Variants in NRDC observed in about 807,000 individuals in gnomAD.
The protein encoded by NRDC is nardilysin.
NRDC carries 54 observed loss-of-function variants against 147.1 expected under a neutral mutation model. The observed-to-expected ratio is 0.37, with a 90% CI of 0.29 to 0.46. The LOEUF (loss-of-function observed/expected upper bound fraction) is 0.46, where lower values mean the gene tolerates loss of function less well. NRDC is among the 20% of genes least tolerant of loss of function. The pLI is 1.00. For missense variants in NRDC, 1,082 were observed against 1,370.6 expected (o/e 0.79, Z 3.33); for synonymous variants, 440 against 482.1 (o/e 0.91, Z 1.14).
At chr1:51,856,528 A>AT (rs1367259582) in intron 1 of NRDC, among the ~76,000 whole-genome samples, 2 of 152,078 alleles carry the variant, frequency 1.3e-5, no homozygotes, top group Admixed American at 6.5e-5. Flanking sequence ...AAACACTTAC[A>AT]TTTACTGGTT....
chr1:51,820,517 CT>C (rs959408335), intron 8 of NRDC, among the ~76,000 whole-genome samples: 3 of 152,056 alleles, frequency 2.0e-5, no homozygotes, highest in Non-Finnish European at 4.4e-5. Flanking sequence ...AAACACACCT[CT>C]GATTTTATTA....
At chr1:51,839,698 C>T (rs941184411) in intron 2 of NRDC, among the ~76,000 whole-genome samples, 32 of 152,110 alleles carry the variant, frequency 2.1e-4, no homozygotes, top group African/African-American at 7.2e-4. Flanking sequence ...CAGACCTTTG[C>T]GTTCCCATAT....
At position 51,836,804 on chromosome 1, in the gene NRDC, T is replaced by A. The variant is rs192132495; in HGVS notation, c.631-592A>T. ...TATAACTAAATTTTAAAGAGGCTTT[T>A]TAGTTCTTCACTTCTAATTGAAGAT... On this transcript the variant is annotated intron_variant, in intron 2 of 30. Coordinates refer to ENST00000352171, the MANE Select transcript of NRDC (RefSeq NM_001101662.2). Among the ~76,000 whole-genome samples the A allele has an allele frequency of 1.6e-4, 24 of 152,316 alleles. No individual in the cohort carries two copies. In the East Asian group the frequency reaches 4.6e-3, roughly 29 times the overall value.
chr1:51,824,043 G>A, intron 6 of NRDC, among the ~76,000 whole-genome samples: 1 of 150,876 alleles, frequency 6.6e-6, no homozygotes. Flanking sequence ...AACTCCCTAA[G>A]CTTCCTTGCT....
At position 51,855,765 on chromosome 1, in the gene NRDC, C is replaced by T. The variant is rs377363159; in HGVS notation, c.342-15251G>A. 3.3e-5 allele frequency among the ~76,000 whole-genome samples: 5 copies of T among 152,124 alleles called. No individual in the cohort carries two copies. The East Asian group carries it at 9.6e-4, about 29-fold the overall frequency. On this transcript the variant is annotated intron_variant, in intron 1 of 30. Coordinates refer to ENST00000352171, the MANE Select transcript of NRDC (RefSeq NM_001101662.2). The stretch of plus-strand genomic sequence containing the variant: ...ACGCACCCCTGTAATCCCAGCTACT[C>T]AGGTGTCTGAGGCTGGAGGATCACT...
chr1:51,798,342 G>A lies in NRDC; in HGVS notation c.2511C>T (p.Asp837=), dbSNP rs781711587. 27 of 1,613,778 alleles carry A rather than the reference G, an allele frequency of 1.7e-5. No homozygotes were observed. The highest frequency in any genetic ancestry group is 6.7e-5 in the African/African-American group (5 of 74,896). The change falls in exon 22 of 31, where the codon GAC becomes GAT. Residue 837 remains aspartate, a synonymous_variant. Transcript: ENST00000352171. ...SMIDKYQALM[D]GLSLESLLSF... Reference sequence around the variant, plus strand: ...TCAGCAGAGACTCAAGGGAAAGGCCGTCCATCAAAGCCTGGTACTTGTCAA... The same window carrying A: ...TCAGCAGAGACTCAAGGGAAAGGCCATCCATCAAAGCCTGGTACTTGTCAA...
At chr1:51,792,502 A>G (rs1678703436) in intron 24 of NRDC, 78 bp from the exon 25 acceptor site, 1 of 1,332,904 alleles carries the variant, frequency 7.5e-7, no homozygotes, top group Non-Finnish European at 1.1e-6. Flanking sequence ...TATTCTAGGC[A>G]ACCACTTAGG....
chr1:51,838,927 C>T (rs1340949355), intron 2 of NRDC, among the ~76,000 whole-genome samples: 5 of 152,054 alleles, frequency 3.3e-5, no homozygotes, highest in Non-Finnish European at 7.4e-5. Flanking sequence ...CAAGTTAAAA[C>T]TATTTAATAC....
chr1:51,809,509 G>T, intron 16 of NRDC, 108 bp from the exon 17 acceptor site: 1 of 806,002 alleles, frequency 1.2e-6, no homozygotes, highest in Non-Finnish European at 2.2e-6. Context: ...CCTTTCTCAG[G>T]AATACTGTGA....
intron 1 of NRDC, among the ~76,000 whole-genome samples, chr1:51,858,556 C>T (rs2842576): frequency 0.93 from 141,081 of 152,106 alleles, 65,477 homozygotes; most frequent in East Asian, 1. Flanking sequence ...TTGGCATAAA[C>T]ACTATCCTGC....
intron 1 of NRDC, among the ~76,000 whole-genome samples, chr1:51,872,213 A>G (rs1683119127): frequency 6.6e-6 from 1 of 152,140 alleles, no homozygotes. Context: ...TTTTTTTGAG[A>G]CAGAGGCAGG....
At chr1:51,797,011 C>T (rs746415763) in intron 22 of NRDC, among the ~76,000 whole-genome samples, 4 of 151,468 alleles carry the variant, frequency 2.6e-5, no homozygotes, top group Non-Finnish European at 5.9e-5. Flanking sequence ...CCATCCTGGC[C>T]AACACGGTGA....
chr1:51,826,758 T>C (rs1257714994), intron 5 of NRDC, among the ~76,000 whole-genome samples: 2 of 152,206 alleles, frequency 1.3e-5, no homozygotes, highest in East Asian at 1.9e-4. Context: ...ATACTGTGTG[T>C]GTATATACAT....
intron 1 of NRDC, among the ~76,000 whole-genome samples, chr1:51,868,210 C>T (rs762666975): frequency 6.6e-6 from 1 of 151,756 alleles, no homozygotes; most frequent in Non-Finnish European, 1.5e-5. Flanking sequence ...GTAATAACTA[C>T]AAAAATATGA....
chr1:51,848,378 G>A (rs1364147544), intron 1 of NRDC, among the ~76,000 whole-genome samples: 3 of 152,170 alleles, frequency 2.0e-5, no homozygotes, highest in African/African-American at 4.8e-5. Context: ...CTACTCAGGA[G>A]GCTGGGGCAG....
At chr1:51,811,424 C>G (rs1679708994) in intron 15 of NRDC, among the ~76,000 whole-genome samples, 1 of 152,138 alleles carries the variant, frequency 6.6e-6, no homozygotes, top group Non-Finnish European at 1.5e-5. Flanking sequence ...TGTCTCCGGA[C>G]AGTGATAAAT....
rs546971411 is a variant in NRDC at position 51,878,192 on chromosome 1, G to C, written c.341+83C>G. Reference sequence around the variant, plus strand: ...AGTGTGCCCTGTTGCTCCATTGGGAGACATGGAGACAAGAAGTGACGGCGG... The same window carrying C: ...AGTGTGCCCTGTTGCTCCATTGGGACACATGGAGACAAGAAGTGACGGCGG... On this transcript the variant is annotated intron_variant, in intron 1 of 30. Transcript: ENST00000352171. The C allele has an allele frequency of 1.0e-5, 15 of 1,475,546 alleles. No individual in the cohort carries two copies. The African/African-American group carries it at 1.4e-4, about 14-fold the overall frequency. The allele number at this position is 1,475,546 out of a possible 1,614,324, so 91.4% of individuals were successfully genotyped here.
intron 1 of NRDC, among the ~76,000 whole-genome samples, chr1:51,873,907 G>A (rs929737979): frequency 6.6e-6 from 1 of 151,576 alleles, no homozygotes; most frequent in East Asian, 1.9e-4. Context: ...ATGCCTTTTC[G>A]ACAGGGCGTG....
intron 1 of NRDC, among the ~76,000 whole-genome samples, chr1:51,849,815 C>G (rs1440402194): frequency 6.7e-6 from 1 of 148,246 alleles, no homozygotes; most frequent in Admixed American, 6.7e-5. Flanking sequence ...GACTCTGTCT[C>G]AAAAACAAAA....
Sources: allele counts gnomAD v4.1 joint callset (sites outside exome capture counted in the v4.1 genomes callset), GRCh38; gene constraint gnomAD v4.1.1; transcripts MANE v1.5; gene names NCBI Gene and HGNC (gene_info 2026-07-23, HGNC 2026-07-21).